SIPA1L1: variants seen among roughly 807,000 people sequenced by gnomAD.
SIPA1L1 encodes the protein signal induced proliferation associated 1 like 1.
A neutral mutation model predicts 162.7 loss-of-function variants in SIPA1L1; 26 were observed. That is an observed-to-expected ratio of 0.16 (90% CI 0.12 to 0.22). The LOEUF is 0.22. SIPA1L1 is among the 10% of genes least tolerant of loss of function. SIPA1L1 has a pLI of 1.00. For synonymous variants in SIPA1L1, 829 were observed against 837.4 expected (o/e 0.99, Z 0.17); for missense variants, 1,874 against 2,241.0 (o/e 0.84, Z 3.31).
At chr14:71,457,465 A>AT (rs1369190808) in intron 2 of SIPA1L1, among the ~76,000 whole-genome samples, 1 of 151,372 alleles carries the variant, frequency 6.6e-6, no homozygotes, top group Non-Finnish European at 1.5e-5. Context: ...CTCCTAGCTA[A>AT]TTTTTGTATT....
chr14:71,657,559 G>T (rs2043172264), intron 8 of SIPA1L1, among the ~76,000 whole-genome samples: 2 of 148,758 alleles, frequency 1.3e-5, no homozygotes, highest in Admixed American at 6.7e-5. Context: ...GGCAGTAGAG[G>T]TTTTTTTTTT....
chr14:71,333,681 T>G (rs982233655), intron 2 of SIPA1L1, among the ~76,000 whole-genome samples: 2 of 152,250 alleles, frequency 1.3e-5, no homozygotes, highest in Non-Finnish European at 2.9e-5. Context: ...AGATACGTTC[T>G]CATCCTAGGG....
intron 5 of SIPA1L1, among the ~76,000 whole-genome samples, chr14:71,590,033 AAAAAAAAAAAAATATATAT>A (rs1422536102): frequency 1.2e-4 from 9 of 72,296 alleles, no homozygotes; most frequent in South Asian, 5.7e-4. Flanking sequence ...AAAAAAAAAA[AAAAAAAAAAAAATATATAT>A]ATATATATAT....
intron 13 of SIPA1L1, among the ~76,000 whole-genome samples, chr14:71,695,955 A>G (rs2081593822): frequency 6.6e-6 from 1 of 152,212 alleles, no homozygotes. Flanking sequence ...TCACCTTACA[A>G]TTAATTACTT....
intron 2 of SIPA1L1, among the ~76,000 whole-genome samples, chr14:71,459,295 T>TA (rs2046412429): frequency 6.6e-6 from 1 of 152,144 alleles, no homozygotes; most frequent in South Asian, 2.1e-4. Flanking sequence ...TTTAAGTCCT[T>TA]ACAATTATGT....
chr14:71,678,633 T>C (rs1013246425), intron 12 of SIPA1L1, among the ~76,000 whole-genome samples: 1 of 152,190 alleles, frequency 6.6e-6, no homozygotes, highest in African/African-American at 2.4e-5. Flanking sequence ...CCGGCTTTGG[T>C]ATCAGGATGA....
chr14:71,554,341 T>G (rs1359742761), intron 4 of SIPA1L1, among the ~76,000 whole-genome samples: 1 of 43,634 alleles, frequency 2.3e-5, no homozygotes, highest in Non-Finnish European at 3.6e-5. Context: ...TAAAAGCAGA[T>G]GACCTTAAAA....
At chr14:71,489,422 GT>G (rs1027776981) in intron 2 of SIPA1L1, among the ~76,000 whole-genome samples, 1 of 152,176 alleles carries the variant, frequency 6.6e-6, no homozygotes, top group African/African-American at 2.4e-5. Context: ...ATAGAATTGA[GT>G]ATGGTTTCTC....
At position 71,476,966 on chromosome 14, in the gene SIPA1L1, C is replaced by T. The variant is rs548760213; in HGVS notation, c.-464-35777C>T. Among the ~76,000 whole-genome samples, 6 of 152,200 alleles carry T rather than the reference C, an allele frequency of 3.9e-5. No homozygotes were observed. In the East Asian group the frequency reaches 1.2e-3, roughly 29 times the overall value. ...CTCTTCTACCTCGCTCAAAAAGTTT[C>T]TTTGTGGGCCAGGCATAGTGGCTCA... On this transcript the variant is annotated intron_variant, in intron 2 of 23. Transcript: ENST00000381232.
chr14:71,534,245 A>G (rs991411364), intron 4 of SIPA1L1, among the ~76,000 whole-genome samples: 2 of 152,102 alleles, frequency 1.3e-5, no homozygotes, highest in Admixed American at 6.6e-5. Context: ...ACCCAACCTC[A>G]TTACCCTTGG....
intron 2 of SIPA1L1, among the ~76,000 whole-genome samples, chr14:71,423,643 G>T (rs2043351769): frequency 1.3e-5 from 2 of 152,030 alleles, no homozygotes; most frequent in Admixed American, 6.6e-5. Flanking sequence ...CTTATTCTGG[G>T]CTCTGTATTC....
intron 7 of SIPA1L1, among the ~76,000 whole-genome samples, chr14:71,648,282 C>T (rs1322115206): frequency 2.0e-5 from 3 of 152,034 alleles, no homozygotes; most frequent in African/African-American, 4.8e-5. Context: ...AAGAGCGAAG[C>T]GAAACTCCAT....
At chr14:71,611,388 AT>A (rs1343585113) in intron 5 of SIPA1L1, among the ~76,000 whole-genome samples, 2 of 149,422 alleles carry the variant, frequency 1.3e-5, no homozygotes, top group East Asian at 3.9e-4. Context: ...TGTTATTTTA[AT>A]TTAATTTAAT....
In SIPA1L1 at chr14:71,733,749, C is replaced by G. The variant is rs1291600260; in HGVS notation, c.4945C>G (p.Leu1649Val). The change falls in exon 21 of 24, where the codon CTG becomes GTG. Residue 1649 changes from leucine to valine, a missense_variant. Transcript: ENST00000381232. ...TATGCCCGACCCTGGCCTGATGCCCCTGCCTGACACTGCTGCAGACTTGGA... is the reference window on the plus strand; with the variant it reads ...TATGCCCGACCCTGGCCTGATGCCCGTGCCTGACACTGCTGCAGACTTGGA... ...QPMPDPGLMP[L>V]PDTAADLDWS... 6.2e-7 allele frequency: 1 copy of G among 1,613,696 alleles called. No homozygotes were observed. Among genetic ancestry groups the G allele is most frequent in the East Asian group, 2.2e-5 (1 of 44,880 alleles).
intron 10 of SIPA1L1, among the ~76,000 whole-genome samples, chr14:71,670,705 G>T (rs936668484): frequency 6.6e-6 from 1 of 152,176 alleles, no homozygotes; most frequent in African/African-American, 2.4e-5. Flanking sequence ...ACACATTTGT[G>T]TTCTCACAGA....
At chr14:71,507,941 A>G (rs756386039) in intron 2 of SIPA1L1, among the ~76,000 whole-genome samples, 3 of 152,234 alleles carry the variant, frequency 2.0e-5, no homozygotes, top group Non-Finnish European at 4.4e-5. Flanking sequence ...GAGTAAAAGC[A>G]GGCCTTGGGA....
At chr14:71,350,582 T>C (rs2036604632) in intron 2 of SIPA1L1, among the ~76,000 whole-genome samples, 1 of 152,110 alleles carries the variant, frequency 6.6e-6, no homozygotes, top group Non-Finnish European at 1.5e-5. Context: ...GGGAGCAGAA[T>C]GATCAGATTT....
chr14:71,358,543 ACCCCGTC>A (rs2037496891), intron 2 of SIPA1L1, among the ~76,000 whole-genome samples: 1 of 152,006 alleles, frequency 6.6e-6, no homozygotes. Context: ...TCTTACCCTG[ACCCCGTC>A]CTGTTTAAGA....
At chr14:71,541,646 A>G (rs911798812) in intron 4 of SIPA1L1, among the ~76,000 whole-genome samples, 1 of 152,080 alleles carries the variant, frequency 6.6e-6, no homozygotes, top group African/African-American at 2.4e-5. Flanking sequence ...GTTGGCACAC[A>G]CCTGTAGTCC....
Sources: allele counts gnomAD v4.1 joint callset (sites outside exome capture counted in the v4.1 genomes callset), GRCh38; gene constraint gnomAD v4.1.1; transcripts MANE v1.5; gene names NCBI Gene and HGNC (gene_info 2026-07-23, HGNC 2026-07-21).